The following ZXDC variants were observed in gnomAD, a reference collection of about 807,000 sequenced individuals.
ZXDC encodes zinc finger protein ZXDC.
ZXDC carries 58 observed loss-of-function variants against 63.6 expected under a neutral mutation model. The observed-to-expected ratio is 0.91, with a 90% CI of 0.74 to 1.13. The LOEUF is 1.13. ZXDC is among the 50% of genes most tolerant of loss of function. The pLI is 0.00. For missense variants in ZXDC, 1,133 were observed against 1,148.9 expected (o/e 0.99, Z 0.20); for synonymous variants, 561 against 496.1 (o/e 1.13, Z -1.74).
chr3:126,473,001 T>G (rs1257447999), intron 1 of ZXDC, among the ~76,000 whole-genome samples: 2 of 152,206 alleles, frequency 1.3e-5, no homozygotes, highest in Non-Finnish European at 2.9e-5. Flanking sequence ...CAGGAGTCTT[T>G]GCTGCAGCTC....
chr3:126,459,684 T>C lies in ZXDC; in HGVS notation c.2181A>G (p.Glu727=), dbSNP rs1934445236. 2.5e-6 allele frequency: 4 copies of C among 1,614,234 alleles called. No homozygotes were observed. Among genetic ancestry groups the C allele is most frequent in the Non-Finnish European group, 3.4e-6 (4 of 1,180,046 alleles). ...TDYRAIQLAK[E]KKQRGAGSNA... ...TGCTCCCCGCTCCTCTCTGCTTTTT[T>C]TCCTTGGCTAGTTGAATGGCTCGGT... Residue 727 remains glutamate (E), a synonymous_variant, in exon 7 of 10, where the codon GAA becomes GAG. Transcript: ENST00000389709.
At chr3:126,461,439 A>C (rs1934529736) in intron 6 of ZXDC, 96 bp downstream of exon 6, 1 of 1,465,458 alleles carries the variant, frequency 6.8e-7, no homozygotes, top group Non-Finnish European at 9.0e-7. Flanking sequence ...TGTAAACCAG[A>C]AACGTCTGCA....
At chr3:126,449,637 G>A (rs1443806770) in intron 7 of ZXDC, among the ~76,000 whole-genome samples, 1 of 152,198 alleles carries the variant, frequency 6.6e-6, no homozygotes, top group Non-Finnish European at 1.5e-5. Context: ...CCATTTCTTT[G>A]TTAAATAGAA....
At chr3:126,448,419 G>T (rs527826163) in intron 7 of ZXDC, among the ~76,000 whole-genome samples, 2 of 152,254 alleles carry the variant, frequency 1.3e-5, no homozygotes, top group Admixed American at 1.3e-4. Flanking sequence ...AGCAACAAGG[G>T]GTGAGAAAGT....
At chr3:126,458,393 C>T (rs867256727) in intron 7 of ZXDC, among the ~76,000 whole-genome samples, 4 of 151,934 alleles carry the variant, frequency 2.6e-5, no homozygotes, top group East Asian at 1.9e-4. Context: ...CGTGCCACCA[C>T]GCCTGGCTAA....
chr3:126,457,577 C>A, intron 7 of ZXDC: 1 of 985,422 alleles, frequency 1.0e-6, no homozygotes, highest in Non-Finnish European at 1.2e-6. Context: ...AGTATTTAAA[C>A]CAATGAGTGC....
chr3:126,475,854 C>T lies in ZXDC; in HGVS notation c.12G>A (p.Pro4=), dbSNP rs1935207230. ...GCGCAGTCGGGGCGGGGAGCAGCGCCGGGAGGTCCATCTTGGTCCCAGCGA... is the reference window on the plus strand; with the variant it reads ...GCGCAGTCGGGGCGGGGAGCAGCGCTGGGAGGTCCATCTTGGTCCCAGCGA... MDL[P]ALLPAPTARG... Residue 4 remains proline, a synonymous_variant, in exon 1 of 10, where the codon CCG becomes CCA. Transcript: ENST00000389709. 1.9e-6 allele frequency: 2 copies of T among 1,077,774 alleles called. No individual in the cohort carries two copies. The highest frequency in any genetic ancestry group is 1.7e-5 in the African/African-American group (1 of 58,998). The allele number at this position is 1,077,774 out of a possible 1,614,324, so 66.8% of individuals were successfully genotyped here.
In ZXDC at chr3:126,475,753, C is replaced by T. The variant is rs1935200793; in HGVS notation, c.113G>A (p.Arg38His). Reference protein sequence around the residue: ...PAPLGASPARRRLLLVRGPED... With the variant: ...PAPLGASPARHRLLLVRGPED... ...AGGGCCCCGCACCAGTAGCAGGCGG[C>T]GGCGCGCGGGGCTCGCGCCGAGCGG... The change falls in exon 1 of 10, where the codon CGC becomes CAC. Residue 38 changes from arginine to histidine, a missense_variant. By Grantham distance (29) the Arg-to-His change is conservative (BLOSUM62 0). Transcript: ENST00000389709. 3.7e-5 allele frequency: 43 copies of T among 1,160,268 alleles called. No homozygotes were observed. In the South Asian group the frequency reaches 1.5e-3, roughly 39 times the overall value. 71.9% of individuals were successfully genotyped at this position (1,160,268 alleles called of 1,614,324 possible).
At chr3:126,439,541 G>A in intron 9 of ZXDC, 91 bp downstream of exon 9, 1 of 1,547,774 alleles carries the variant, frequency 6.5e-7, no homozygotes, top group South Asian at 1.2e-5. Context: ...CGGCCTCAGT[G>A]ACCAGCCTGC....
intron 8 of ZXDC, 28 bp from the exon 9 acceptor site, chr3:126,439,755 C>A: frequency 6.5e-7 from 1 of 1,545,002 alleles, no homozygotes; most frequent in Non-Finnish European, 8.7e-7. Context: ...AAAGGCCTGT[C>A]ACATGTCTGT....
At position 126,475,742 on chromosome 3, in the gene ZXDC, G is replaced by C. The variant is rs1174230416; in HGVS notation, c.124C>G (p.Leu42Val). Residue 42 changes from leucine (L) to valine (V), a missense_variant, in exon 1 of 10, where the codon CTG (leucine) becomes GTG (valine). Leu to Val is a conservative substitution (Grantham distance 32). Coordinates refer to ENST00000389709, the MANE Select transcript of ZXDC (RefSeq NM_025112.5). ...GASPARRRLL[L>V]VRGPEDGGPG... ...CCGCCATCTTCAGGGCCCCGCACCA[G>C]TAGCAGGCGGCGGCGCGCGGGGCTC... 3 of 1,175,316 alleles carry C rather than the reference G, an allele frequency of 2.6e-6. No homozygotes were observed. The highest frequency in any genetic ancestry group is 3.2e-5 in the African/African-American group (2 of 61,598). 72.8% of individuals were successfully genotyped at this position (1,175,316 alleles called of 1,614,324 possible). A position where few individuals can be genotyped will look rare whatever the true frequency, so the allele number is the denominator to read the frequency against.
chr3:126,441,947 C>T lies in ZXDC; in HGVS notation c.2213-1G>A, dbSNP rs1933697680. 12 of 1,588,134 alleles carry T rather than the reference C, an allele frequency of 7.6e-6. No individual in the cohort carries two copies. The highest frequency in any genetic ancestry group is 1.8e-5 in the Admixed American group (1 of 56,370). Reference sequence around the variant, plus strand: ...TTTCTCTGAGTAGACTGTGAGGCTCCTAAAATGAAATATAAAAACGAGCAC... The same window carrying T: ...TTTCTCTGAGTAGACTGTGAGGCTCTTAAAATGAAATATAAAAACGAGCAC... On this transcript the variant is annotated splice_acceptor_variant, in intron 7 of 9. Coordinates refer to ENST00000389709, the MANE Select transcript of ZXDC (RefSeq NM_025112.5). LOFTEE classifies it high-confidence loss of function.
In ZXDC at chr3:126,445,026, T is replaced by C. The variant is rs1027677400; in HGVS notation, c.2213-3080A>G. On this transcript the variant is annotated intron_variant, in intron 7 of 9. Coordinates refer to ENST00000389709, the MANE Select transcript of ZXDC (RefSeq NM_025112.5). ...CAAGCTAAATTGGTTTCAACTTCTG[T>C]ATCAGCATACAATATGAAAAAAAAT... Among the ~76,000 whole-genome samples, 3 of 152,222 alleles carry C rather than the reference T, an allele frequency of 2.0e-5. No homozygotes were observed. The South Asian group carries it at 6.2e-4, about 31-fold the overall frequency.
In ZXDC at chr3:126,475,365, G is replaced by A; in HGVS notation, c.501C>T (p.Ala167=). Reference sequence around the variant, plus strand: ...GGTAGCCGGGCGTGCTGGGGCCGGAGGCCTGGGGCGCGCGGCGGGGAGCGG... The same window carrying A: ...GGTAGCCGGGCGTGCTGGGGCCGGAAGCCTGGGGCGCGCGGCGGGGAGCGG... The part of the protein sequence containing the change: ...GAAAPRRAPQ[A]SGPSTPGYRC... Residue 167 remains alanine (A), a synonymous_variant, in exon 1 of 10, where the codon GCC becomes GCT. Coordinates refer to ENST00000389709, the MANE Select transcript of ZXDC (RefSeq NM_025112.5). 9.4e-6 allele frequency: 12 copies of A among 1,272,554 alleles called. No individual in the cohort carries two copies. The highest frequency in any genetic ancestry group is 3.1e-5 in the East Asian group (1 of 31,932). The allele number at this position is 1,272,554 out of a possible 1,614,324, so 78.8% of individuals were successfully genotyped here.
Position 126,460,927 on chromosome 3 carries a change from T to C in ZXDC, c.2127+608A>G, listed in dbSNP as rs1285994332. 3.0e-6 allele frequency: 3 copies of C among 985,310 alleles called. No homozygotes were observed. In the East Asian group the frequency reaches 3.4e-4, roughly 112 times the overall value. 61.0% of individuals were successfully genotyped at this position (985,310 alleles called of 1,614,324 possible). ...CCCTATCTGATCATTCCCATCTAGGTCAGGAAAGTCAGACTATCTCCTAAG... is the reference window on the plus strand; with the variant it reads ...CCCTATCTGATCATTCCCATCTAGGCCAGGAAAGTCAGACTATCTCCTAAG... On this transcript the variant is annotated intron_variant, in intron 6 of 9. Coordinates refer to ENST00000389709, the MANE Select transcript of ZXDC (RefSeq NM_025112.5).
chr3:126,471,088 T>C, intron 3 of ZXDC, 63 bp from the exon 4 acceptor site: 1 of 1,568,936 alleles, frequency 6.4e-7, no homozygotes, highest in Non-Finnish European at 8.7e-7. Flanking sequence ...TTCTTTAAAA[T>C]TCTACAAAAC....
At chr3:126,450,902 G>A (rs1576669029) in intron 7 of ZXDC, among the ~76,000 whole-genome samples, 1 of 152,234 alleles carries the variant, frequency 6.6e-6, no homozygotes, top group African/African-American at 2.4e-5. Flanking sequence ...GCTGGGACCA[G>A]CAAGCCAGGG....
chr3:126,471,934 T>A, intron 3 of ZXDC, 39 bp downstream of exon 3: 1 of 1,558,716 alleles, frequency 6.4e-7, no homozygotes, highest in Non-Finnish European at 8.7e-7. Flanking sequence ...AACCACTCAT[T>A]TTCAAACCTG....
In ZXDC at chr3:126,454,523, A is replaced by G. The variant is rs1366395880; in HGVS notation, c.2212+5130T>C. 4.1e-6 allele frequency: 4 copies of G among 985,246 alleles called. No individual in the cohort carries two copies. In the African/African-American group the frequency reaches 7.0e-5, roughly 17 times the overall value. The allele number at this position is 985,246 out of a possible 1,614,324, so 61.0% of individuals were successfully genotyped here. A position where few individuals can be genotyped will look rare whatever the true frequency, so the allele number is the denominator to read the frequency against. On this transcript the variant is annotated intron_variant, in intron 7 of 9. Transcript: ENST00000389709. ...CCTGTCTTAATCTTAACCTTCCCAA[A>G]TATTTCCATACAGGGTGCACCTCTC...
Sources: allele counts gnomAD v4.1 joint callset (sites outside exome capture counted in the v4.1 genomes callset), GRCh38; gene constraint gnomAD v4.1.1; transcripts MANE v1.5; gene names NCBI Gene and HGNC (gene_info 2026-07-23, HGNC 2026-07-21).